Variants in SYNJ2 observed in about 807,000 individuals in gnomAD.
SYNJ2 encodes the protein polyphosphatidylinositol phosphatase SYNJ2.
Under a neutral mutation model 141.3 loss-of-function variants are expected in SYNJ2, and 116 were observed. The observed-to-expected ratio is 0.82, with a 90% CI of 0.71 to 0.96. The LOEUF is 0.96. SYNJ2 is among the 40% of genes least tolerant of loss of function. SYNJ2 has a pLI of 0.00. For synonymous variants in SYNJ2, 745 were observed against 777.7 expected, an observed-to-expected ratio of 0.96 and a Z score of 0.70; for missense variants, 1,873 against 1,934.8, an observed-to-expected ratio of 0.97 and a Z score of 0.60.
At chr6:158,063,741 T>G (rs1781376841) in intron 8 of SYNJ2, 50 bp from the exon 9 acceptor site, 3 of 1,477,216 alleles carry the variant, frequency 2.0e-6, no homozygotes, top group African/African-American at 2.8e-5. Flanking sequence ...CTATGGCCAC[T>G]GCTTCTTTGA....
intron 9 of SYNJ2, among the ~76,000 whole-genome samples, chr6:158,064,394 G>A (rs1398677511): frequency 6.6e-6 from 1 of 152,184 alleles, no homozygotes; most frequent in Non-Finnish European, 1.5e-5. Flanking sequence ...GGGGTGAGAG[G>A]AGGGCTTGGG....
chr6:158,011,259 G>A (rs1029141769), intron 1 of SYNJ2, among the ~76,000 whole-genome samples: 5 of 152,178 alleles, frequency 3.3e-5, no homozygotes, highest in Non-Finnish European at 7.4e-5. Context: ...CACAGGGCCA[G>A]GTAAGGAGGT....
intron 1 of SYNJ2, among the ~76,000 whole-genome samples, chr6:157,986,914 G>A (rs1777228223): frequency 6.8e-6 from 1 of 147,912 alleles, no homozygotes. Context: ...ATTCTAATTT[G>A]TTGGGTTGGC....
At chr6:158,045,453 C>G (rs1456413002) in intron 5 of SYNJ2, among the ~76,000 whole-genome samples, 1 of 152,164 alleles carries the variant, frequency 6.6e-6, no homozygotes, top group Non-Finnish European at 1.5e-5. Context: ...AAAGGGCTGT[C>G]CTCCAGGCCA....
At chr6:158,036,872 G>GGGGA (rs1779665765) in intron 4 of SYNJ2, among the ~76,000 whole-genome samples, 1 of 152,166 alleles carries the variant, frequency 6.6e-6, no homozygotes, top group Non-Finnish European at 1.5e-5. Context: ...ATGTCTGCAT[G>GGGGA]GGGAGAGTCC....
intron 12 of SYNJ2, 125 bp from the exon 13 acceptor site, chr6:158,068,522 G>C: frequency 7.0e-6 from 7 of 1,006,254 alleles, no homozygotes; most frequent in Non-Finnish European, 1.0e-5. Context: ...AGCAATGGTA[G>C]CCACCTGGAG....
chr6:158,042,182 A>G (rs2128343743), intron 4 of SYNJ2, among the ~76,000 whole-genome samples: 1 of 152,374 alleles, frequency 6.6e-6, no homozygotes, highest in Non-Finnish European at 1.5e-5. Context: ...TTTTGTCAGT[A>G]GAAGAATGGA....
At chr6:158,049,324 C>T (rs1337746329) in intron 5 of SYNJ2, among the ~76,000 whole-genome samples, 1 of 152,160 alleles carries the variant, frequency 6.6e-6, no homozygotes, top group Admixed American at 6.5e-5. Context: ...GTGCCTGTGG[C>T]TTCTGACACC....
At chr6:158,005,532 C>T (rs1366578577) in intron 1 of SYNJ2, among the ~76,000 whole-genome samples, 1 of 149,104 alleles carries the variant, frequency 6.7e-6, no homozygotes, top group East Asian at 2.1e-4. Flanking sequence ...GCTGGGTCCT[C>T]CCCACCTGGT....
chr6:158,070,599 C>A lies in SYNJ2; in HGVS notation c.1940+926C>A. 1 of 740,884 alleles carries A rather than the reference C, an allele frequency of 1.3e-6. No homozygotes were observed. Among genetic ancestry groups the A allele is most frequent in the Non-Finnish European group, 1.6e-6 (1 of 607,144 alleles). The allele number at this position is 740,884 out of a possible 1,614,324, so 45.9% of individuals were successfully genotyped here. ...GCTGAGGAGAGCCAGGTTTCCCAGGCTCGGTGTCCTCGGCTTCACGTGCCT... is the reference window on the plus strand; with the variant it reads ...GCTGAGGAGAGCCAGGTTTCCCAGGATCGGTGTCCTCGGCTTCACGTGCCT... On this transcript the variant is annotated intron_variant, in intron 14 of 26. Transcript: ENST00000355585. The surrounding 1 kb of genome is among the most constrained non-coding windows in gnomAD (Gnocchi z 4.0).
chr6:157,999,960 G>C (rs1777774646), intron 1 of SYNJ2, among the ~76,000 whole-genome samples: 1 of 149,714 alleles, frequency 6.7e-6, no homozygotes, highest in Non-Finnish European at 1.5e-5. Context: ...ACAGCACACA[G>C]CACAACAGCT....
Position 158,064,950 on chromosome 6 carries a change from C to A in SYNJ2, c.1484C>A (p.Ala495Glu), listed in dbSNP as rs745696641. ...GGGGACGTCTACGGCGAGGAGGTGG[C>A]AGACAAAGGGGGCATGCTGCTGGAC... ...LVGDVYGEEV[A>E]DKGGMLLDST... Residue 495 changes from alanine (A) to glutamate (E), a missense_variant, in exon 11 of 27, where the codon GCA becomes GAA. Transcript: ENST00000355585. The A allele has an allele frequency of 1.2e-6, 2 of 1,610,824 alleles. No individual in the cohort carries two copies. The highest frequency in any genetic ancestry group is 1.7e-6 in the Non-Finnish European group (2 of 1,178,534).
rs1777053006 is a variant in SYNJ2, at chr6:157,982,507, G to A, written c.127+419G>A. On this transcript the variant is annotated intron_variant, in intron 1 of 26. Transcript: ENST00000355585. The surrounding 1 kb of genome is among the most constrained non-coding windows in gnomAD (Gnocchi z 4.0). ...TGTTGGCGGCTCCACTCCTGGAGGGGATGGGGACAAAAGCCCCAAAACATA... is the reference window on the plus strand; with the variant it reads ...TGTTGGCGGCTCCACTCCTGGAGGGAATGGGGACAAAAGCCCCAAAACATA... Among the ~76,000 whole-genome samples the A allele has an allele frequency of 6.6e-6, 1 of 152,232 alleles. No homozygotes were observed.
At chr6:157,985,561 A>G (rs1777168373) in intron 1 of SYNJ2, among the ~76,000 whole-genome samples, 1 of 152,202 alleles carries the variant, frequency 6.6e-6, no homozygotes, top group South Asian at 2.1e-4. Context: ...ACAATTAGCA[A>G]ACAGATGTTC....
chr6:158,023,604 G>A (rs1349912084), intron 2 of SYNJ2, among the ~76,000 whole-genome samples: 1 of 152,116 alleles, frequency 6.6e-6, no homozygotes, highest in Non-Finnish European at 1.5e-5. Flanking sequence ...TGGAGGACAG[G>A]GTTCTTATTC....
intron 8 of SYNJ2, among the ~76,000 whole-genome samples, chr6:158,063,375 C>T (rs1253246043): frequency 6.6e-6 from 1 of 152,002 alleles, no homozygotes; most frequent in African/African-American, 2.4e-5. Flanking sequence ...GTGAGGGGTT[C>T]CCTCTTAGAA....
intron 1 of SYNJ2, among the ~76,000 whole-genome samples, chr6:157,985,646 A>C (rs1453358849): frequency 2.0e-5 from 3 of 152,140 alleles, no homozygotes; most frequent in African/African-American, 7.2e-5. Flanking sequence ...GCTTATTGTT[A>C]ATGGATTTTG....
intron 16 of SYNJ2, among the ~76,000 whole-genome samples, chr6:158,075,132 A>G (rs1782195102): frequency 1.3e-5 from 2 of 151,656 alleles, no homozygotes; most frequent in South Asian, 4.2e-4. Context: ...GGTTTTCACC[A>G]TGTTGGCCAG....
chr6:158,009,997 G>C (rs918188765), intron 1 of SYNJ2, among the ~76,000 whole-genome samples: 10 of 152,236 alleles, frequency 6.6e-5, no homozygotes, highest in Non-Finnish European at 4.4e-5. Context: ...GCTCACTGCA[G>C]TCTTGACCTC....
Sources: allele counts gnomAD v4.1 joint callset (sites outside exome capture counted in the v4.1 genomes callset), GRCh38; gene constraint gnomAD v4.1.1; non-coding constraint Gnocchi (gnomAD v3.1); transcripts MANE v1.5; gene names NCBI Gene and HGNC (gene_info 2026-07-23, HGNC 2026-07-21).